The following GAB1 variants were observed in gnomAD, a reference collection of about 807,000 sequenced individuals.
GAB1 encodes GRB2-associated-binding protein 1.
GAB1 carries 19 observed loss-of-function variants against 66.5 expected under a neutral mutation model. The observed-to-expected ratio is 0.29, with a 90% CI of 0.20 to 0.42. The LOEUF is 0.42. Ranked by LOEUF, GAB1 falls within the 10% of genes least tolerant of loss-of-function variation. The pLI is 1.00. For missense variants in GAB1, 732 were observed against 858.5 expected (o/e 0.85, Z 1.84); for synonymous variants, 294 against 301.4 (o/e 0.98, Z 0.25).
At chr4:143,457,215 T>C (rs1735236344) in intron 6 of GAB1, among the ~76,000 whole-genome samples, 1 of 152,188 alleles carries the variant, frequency 6.6e-6, no homozygotes, top group Non-Finnish European at 1.5e-5. Flanking sequence ...AAAAGTAATA[T>C]TACAAGGACG....
intron 1 of GAB1, among the ~76,000 whole-genome samples, chr4:143,375,762 T>C (rs951130099): frequency 6.6e-6 from 1 of 152,180 alleles, no homozygotes. Flanking sequence ...ACTGTTGATA[T>C]TGTGGCCTGG....
chr4:143,467,046 C>G (rs577976565), intron 9 of GAB1, among the ~76,000 whole-genome samples: 1 of 152,072 alleles, frequency 6.6e-6, no homozygotes, highest in Non-Finnish European at 1.5e-5. Context: ...TGAAATATAC[C>G]CTTTAGAAGT....
intron 1 of GAB1, among the ~76,000 whole-genome samples, chr4:143,374,459 T>C (rs1244427956): frequency 2.6e-5 from 4 of 152,262 alleles, no homozygotes; most frequent in Admixed American, 6.5e-5. Context: ...GTGGGAATCT[T>C]ATACTTTAGA....
intron 2 of GAB1, among the ~76,000 whole-genome samples, chr4:143,421,698 C>CT (rs70953733): frequency 0.021 from 2,505 of 118,588 alleles, 57 homozygotes; most frequent in African/African-American, 0.042. Context: ...CTTTTCTTTT[C>CT]TTTTTTTTTT....
At chr4:143,465,987 C>T in intron 8 of GAB1, 116 bp from the exon 9 acceptor site, 1 of 1,133,666 alleles carries the variant, frequency 8.8e-7, no homozygotes, top group Non-Finnish European at 1.2e-6. Flanking sequence ...GGTTGTTTAA[C>T]TTTTTAAGCT....
At chr4:143,352,052 T>C (rs1177122259) in intron 1 of GAB1, among the ~76,000 whole-genome samples, 3 of 152,228 alleles carry the variant, frequency 2.0e-5, no homozygotes, top group African/African-American at 7.2e-5. Context: ...GTTTAGGTGA[T>C]AGGCAAATTC....
intron 6 of GAB1, among the ~76,000 whole-genome samples, chr4:143,452,000 C>G (rs753159400): frequency 5.9e-5 from 9 of 152,114 alleles, no homozygotes; most frequent in Non-Finnish European, 1.2e-4. Context: ...CTTTGCTGCT[C>G]TGTTTCTTAG....
chr4:143,342,152 G>A (rs1728842291), intron 1 of GAB1, among the ~76,000 whole-genome samples: 1 of 152,160 alleles, frequency 6.6e-6, no homozygotes, highest in South Asian at 2.1e-4. Context: ...TTCATTTGTT[G>A]TGCCTGGGCT....
At chr4:143,433,773 ACT>A in intron 3 of GAB1, 57 bp downstream of exon 3, 1 of 1,343,286 alleles carries the variant, frequency 7.4e-7, no homozygotes, top group Non-Finnish European at 1.1e-6. Context: ...GTGTGTACAC[ACT>A]GAGATTCTTA....
intron 1 of GAB1, among the ~76,000 whole-genome samples, chr4:143,350,733 A>G (rs1219948613): frequency 1.3e-5 from 2 of 151,788 alleles, no homozygotes; most frequent in East Asian, 3.9e-4. Flanking sequence ...GGTAATGGGA[A>G]AAAAATTATG....
At chr4:143,419,326 T>C (rs1372060195) in intron 2 of GAB1, among the ~76,000 whole-genome samples, 4 of 152,056 alleles carry the variant, frequency 2.6e-5, no homozygotes, top group African/African-American at 9.7e-5. Context: ...GGACAAATAA[T>C]CCAGGAATTA....
chr4:143,440,440 A>G, intron 6 of GAB1, 58 bp downstream of exon 6: 1 of 1,439,006 alleles, frequency 6.9e-7, no homozygotes, highest in Non-Finnish European at 9.4e-7. Context: ...ATCTATCTTT[A>G]ACTGCCATTA....
At chr4:143,436,838 G>T (rs1415887564) in intron 3 of GAB1, among the ~76,000 whole-genome samples, 2 of 152,178 alleles carry the variant, frequency 1.3e-5, no homozygotes, top group Non-Finnish European at 2.9e-5. Context: ...TTGGTAAGAT[G>T]ATGGAAGTTG....
At chr4:143,415,319 G>A (rs959681396) in intron 1 of GAB1, among the ~76,000 whole-genome samples, 158 bp from the exon 2 acceptor site, 2 of 152,148 alleles carry the variant, frequency 1.3e-5, no homozygotes, top group Non-Finnish European at 2.9e-5. Context: ...GCTTTTCAGA[G>A]TGGCAGATTA....
intron 7 of GAB1, among the ~76,000 whole-genome samples, chr4:143,459,871 G>A (rs1335463973): frequency 2.0e-5 from 3 of 152,022 alleles, no homozygotes; most frequent in Non-Finnish European, 4.4e-5. Flanking sequence ...AGTGTAAAAG[G>A]TTTATGAAAC....
intron 1 of GAB1, among the ~76,000 whole-genome samples, chr4:143,351,446 C>A (rs1242098357): frequency 6.6e-6 from 1 of 152,198 alleles, no homozygotes; most frequent in Non-Finnish European, 1.5e-5. Flanking sequence ...TCTTCTCCCG[C>A]CAACGAGTTC....
chr4:143,452,781 ACT>A (rs1254388169), intron 6 of GAB1, among the ~76,000 whole-genome samples: 20 of 152,088 alleles, frequency 1.3e-4, no homozygotes, highest in Admixed American at 1.3e-3. Context: ...ATTATGCTGC[ACT>A]CTTTGTTCAA....
At position 143,456,398 on chromosome 4, in the gene GAB1, G is replaced by A. The variant is rs191116372; in HGVS notation, c.1586-2987G>A. Among the ~76,000 whole-genome samples, 7 of 152,048 alleles carry A rather than the reference G, an allele frequency of 4.6e-5. No individual in the cohort carries two copies. The South Asian group carries it at 6.2e-4, about 14-fold the overall frequency. Reference sequence around the variant, plus strand: ...CATGAGCCTGGGAGGCAGAGCTTGCGGTGAGCCAAGATTGTGCCATTGCAC... The same window carrying A: ...CATGAGCCTGGGAGGCAGAGCTTGCAGTGAGCCAAGATTGTGCCATTGCAC... On this transcript the variant is annotated intron_variant, in intron 6 of 9. Coordinates refer to ENST00000262994, the MANE Select transcript of GAB1 (RefSeq NM_002039.4).
chr4:143,442,959 G>A (rs1231277579), intron 6 of GAB1, among the ~76,000 whole-genome samples: 1 of 151,138 alleles, frequency 6.6e-6, no homozygotes, highest in Non-Finnish European at 1.5e-5. Flanking sequence ...ACAGTAAAGA[G>A]GTTCCTGAAG....
Sources: gnomAD v4.1 joint callset for allele counts (sites outside exome capture counted in the v4.1 genomes callset) on GRCh38, gnomAD v4.1.1 for gene constraint, MANE v1.5 for transcripts, NCBI Gene and HGNC (gene_info 2026-07-23, HGNC 2026-07-21) for gene names.